Variants in BIRC6 observed in about 807,000 individuals in gnomAD.
BIRC6 encodes dual E2 ubiquitin-conjugating enzyme/E3 ubiquitin-protein ligase BIRC6.
In BIRC6, 98 loss-of-function variants were observed where a neutral mutation model predicts 503.3. The ratio of observed to expected loss-of-function variants is 0.19; its 90% CI spans 0.17 to 0.23. The LOEUF is 0.23. Among genes scored for constraint, BIRC6 ranks in the 10% least tolerant of loss-of-function variants. The pLI is 1.00. For synonymous variants in BIRC6, 2,240 were observed against 2,078.7 expected (o/e 1.08, Z -2.11); for missense variants, 5,360 against 5,806.0 (o/e 0.92, Z 2.50).
In BIRC6 at chr2:32,518,268, A is replaced by G. The variant is rs1188845025; in HGVS notation, c.11364A>G (p.Leu3788=). The G allele has an allele frequency of 2.5e-6, 4 of 1,613,096 alleles. No homozygotes were observed. The highest frequency in any genetic ancestry group is 1.1e-5 in the South Asian group (1 of 90,942). Residue 3788 remains leucine (L), a synonymous_variant, in exon 56 of 74, where the codon CTA becomes CTG. Coordinates refer to ENST00000421745, the MANE Select transcript of BIRC6 (RefSeq NM_016252.4). ...TGTCTTGCCAGGTTCTTTGTGAACT[A>G]TTTCAGACATCTCCTCAAAGAGGGA... ...QKLMAQVLCE[L]FQTSPQRGNL...
intron 54 of BIRC6, among the ~76,000 whole-genome samples, chr2:32,514,035 G>T (rs1414058866): frequency 6.6e-6 from 1 of 151,006 alleles, no homozygotes; most frequent in African/African-American, 2.4e-5. Context: ...CTGTACCCCA[G>T]CCTGGGCAAC....
intron 23 of BIRC6, among the ~76,000 whole-genome samples, chr2:32,456,380 T>G (rs1168470590): frequency 6.6e-6 from 1 of 152,234 alleles, no homozygotes; most frequent in Non-Finnish European, 1.5e-5. Flanking sequence ...GATTCTTTTG[T>G]CCGAATGCAA....
At chr2:32,451,346 C>T (rs147641951) in intron 22 of BIRC6, among the ~76,000 whole-genome samples, 57 of 152,130 alleles carry the variant, frequency 3.7e-4, no homozygotes, top group Admixed American at 3.4e-3. Context: ...TCTATAGACC[C>T]CCAAAGGGTT....
chr2:32,367,060 C>T (rs1393900031), intron 1 of BIRC6, among the ~76,000 whole-genome samples: 1 of 152,080 alleles, frequency 6.6e-6, no homozygotes, highest in Non-Finnish European at 1.5e-5. Flanking sequence ...TTAAGATAAA[C>T]TTGGGTGTAG....
intron 45 of BIRC6, among the ~76,000 whole-genome samples, chr2:32,499,085 A>T (rs926510341): frequency 5.3e-5 from 8 of 152,246 alleles, no homozygotes; most frequent in African/African-American, 1.9e-4. Context: ...TATCTTAGGC[A>T]TAAACAGAAT....
intron 42 of BIRC6, among the ~76,000 whole-genome samples, chr2:32,489,479 A>AG (rs1321315787): frequency 1.3e-5 from 2 of 151,634 alleles, no homozygotes; most frequent in Non-Finnish European, 2.9e-5. Context: ...TTTTATTATG[A>AG]GAAATATTAA....
chr2:32,534,730 CAAAAAAAAAAAAAAAA>C (rs770672789), intron 61 of BIRC6, among the ~76,000 whole-genome samples: 1 of 22,310 alleles, frequency 4.5e-5, no homozygotes, highest in African/African-American at 1.4e-4. Flanking sequence ...GACTCTGTCT[CAAAAAAAAAAAAAAAA>C]AAAAAAAAAA....
chr2:32,572,272 T>G (rs886680644), intron 65 of BIRC6, among the ~76,000 whole-genome samples: 1 of 152,228 alleles, frequency 6.6e-6, no homozygotes, highest in African/African-American at 2.4e-5. Flanking sequence ...AATGTTTTCT[T>G]TGTTAATTTT....
chr2:32,586,423 CTTTTTTTTTTTTTT>C (rs972959083), intron 66 of BIRC6, among the ~76,000 whole-genome samples: 1,309 of 71,086 alleles, frequency 0.018, 26 homozygotes, highest in Middle Eastern at 0.052. Context: ...TCAAGCAGTC[CTTTTTTTTTTTTTT>C]TTTTTTTTTT....
intron 73 of BIRC6, among the ~76,000 whole-genome samples, chr2:32,613,472 C>T (rs1242245467): frequency 6.6e-6 from 1 of 152,024 alleles, no homozygotes; most frequent in Non-Finnish European, 1.5e-5. Flanking sequence ...CCTTAACCTC[C>T]TGGGTTCAAG....
intron 40 of BIRC6, among the ~76,000 whole-genome samples, chr2:32,487,007 A>G (rs1009465213): frequency 6.6e-5 from 10 of 152,034 alleles, no homozygotes; most frequent in African/African-American, 2.4e-4. Flanking sequence ...CTGAAAGGAT[A>G]TTTGAAAAAA....
At chr2:32,502,947 C>T in intron 48 of BIRC6, 56 bp downstream of exon 48, 1 of 1,532,818 alleles carries the variant, frequency 6.5e-7, no homozygotes, top group Non-Finnish European at 8.9e-7. Context: ...TAGTATGTTA[C>T]ATTTTCATTT....
intron 45 of BIRC6, among the ~76,000 whole-genome samples, chr2:32,494,340 G>A (rs940974951): frequency 6.6e-6 from 1 of 151,518 alleles, no homozygotes; most frequent in African/African-American, 2.4e-5. Context: ...CGATTCTCAT[G>A]CCTCAGCCTC....
chr2:32,584,363 C>T (rs2060887726), intron 66 of BIRC6, among the ~76,000 whole-genome samples: 1 of 152,112 alleles, frequency 6.6e-6, no homozygotes, highest in Non-Finnish European at 1.5e-5. Context: ...AACCCCATCT[C>T]TACTGAAAAT....
At chr2:32,589,483 T>TA (rs1232878974) in intron 66 of BIRC6, among the ~76,000 whole-genome samples, 10 of 152,034 alleles carry the variant, frequency 6.6e-5, no homozygotes, top group Admixed American at 3.9e-4. Context: ...GCACTTTAGT[T>TA]AAAAAAAATT....
chr2:32,377,213 ATGTGTGTGTG>A (rs59912267), intron 1 of BIRC6, among the ~76,000 whole-genome samples: 148 of 144,258 alleles, frequency 1.0e-3, no homozygotes, highest in East Asian at 3.9e-3. Flanking sequence ...CTTAATATAT[ATGTGTGTGTG>A]TGTGTGTGTG....
At chr2:32,399,813 G>C (rs1458689853) in intron 6 of BIRC6, among the ~76,000 whole-genome samples, 1 of 150,730 alleles carries the variant, frequency 6.6e-6, no homozygotes, top group Non-Finnish European at 1.5e-5. Flanking sequence ...TTAGAGACAG[G>C]GTCTTGCTCT....
At position 32,473,203 on chromosome 2, in the gene BIRC6, C is replaced by G. The variant is rs2049300422; in HGVS notation, c.6684C>G (p.Ser2228=). Residue 2228 remains serine, a synonymous_variant, in exon 33 of 74, where the codon TCC becomes TCG. Coordinates refer to ENST00000421745, the MANE Select transcript of BIRC6 (RefSeq NM_016252.4). The part of the protein sequence containing the change: ...KGSSSLDRLY[S]RKIRKQLVHH... ...GCAGTAGCCTTGATAGATTATATTC[C>G]AGAAAAATCAGAAAGCAGCTTGTTC... 1 of 1,550,902 alleles carries G rather than the reference C, an allele frequency of 6.4e-7. No homozygotes were observed. Among genetic ancestry groups the G allele is most frequent in the Admixed American group, 2.0e-5 (1 of 50,588 alleles).
chr2:32,612,058 A>G (rs987469526), intron 73 of BIRC6, among the ~76,000 whole-genome samples: 3 of 151,910 alleles, frequency 2.0e-5, no homozygotes, highest in Non-Finnish European at 4.4e-5. Context: ...TTTATTTTCA[A>G]TTTTGTAGAG....
Sources: gnomAD v4.1 joint callset for allele counts (sites outside exome capture counted in the v4.1 genomes callset) on GRCh38, gnomAD v4.1.1 for gene constraint, MANE v1.5 for transcripts, NCBI Gene and HGNC (gene_info 2026-07-23, HGNC 2026-07-21) for gene names.